TRPA1: variants seen among roughly 807,000 people sequenced by gnomAD.
The protein encoded by TRPA1 is ankyrin-like with transmembrane domains 1.
Under a neutral mutation model 131.3 loss-of-function variants are expected in TRPA1, and 129 were observed. The observed-to-expected ratio is 0.98, with a 90% CI of 0.85 to 1.14. The LOEUF (loss-of-function observed/expected upper bound fraction) is 1.14. Ranked by LOEUF, TRPA1 falls within the 50% of genes most tolerant of loss-of-function variation. The probability of loss-of-function intolerance (pLI) is 0.00; values close to 1 mark genes in which losing one functional copy is unlikely to be tolerated. For synonymous variants in TRPA1, 441 were observed against 451.7 expected, an observed-to-expected ratio of 0.98 and a Z score of 0.30; for missense variants, 1,304 against 1,354.2, an observed-to-expected ratio of 0.96 and a Z score of 0.58.
At chr8:72,047,086 T>A in intron 16 of TRPA1, 62 bp downstream of exon 16, 1 of 1,244,920 alleles carries the variant, frequency 8.0e-7, no homozygotes, top group Non-Finnish European at 1.2e-6. Flanking sequence ...ACAATATTTT[T>A]AATATTTTTC....
intron 13 of TRPA1, chr8:72,052,994 T>TGTGTGTGTGAGAGAGA (rs1491537785): frequency 3.0e-6 from 1 of 330,300 alleles, no homozygotes; most frequent in Non-Finnish European, 5.5e-6. Context: ...TGTGTGTGTG[T>TGTGTGTGTGAGAGAGA]GAGAGATAGA....
intron 5 of TRPA1, 65 bp from the exon 6 acceptor site, chr8:72,063,009 T>TA (rs1226613106): frequency 6.2e-6 from 9 of 1,457,650 alleles, no homozygotes; most frequent in Middle Eastern, 1.9e-4. Context: ...GGTTTTTTGT[T>TA]AAAAAATATG....
At chr8:72,046,861 A>G (rs1563391825) in intron 16 of TRPA1, among the ~76,000 whole-genome samples, 1 of 152,060 alleles carries the variant, frequency 6.6e-6, no homozygotes, top group Non-Finnish European at 1.5e-5. Flanking sequence ...GGAGTTCTCA[A>G]AAGATCATTT....
At chr8:72,064,742 G>T (rs13265757) in intron 4 of TRPA1, among the ~76,000 whole-genome samples, 45,159 of 151,966 alleles carry the variant, frequency 0.3, 7,063 homozygotes, top group Middle Eastern at 0.44. Context: ...TGCTGGCCTA[G>T]ATAACATACA....
At chr8:72,024,193 T>C (rs76583847) in intron 25 of TRPA1, among the ~76,000 whole-genome samples, 14,516 of 152,242 alleles carry the variant, frequency 0.095, 941 homozygotes, top group Admixed American at 0.23. Context: ...AATTGTTCTA[T>C]ATATTTTCAT....
chr8:72,075,617 T>C (rs1047705350), upstream of TRPA1: 1 of 583,040 alleles, frequency 1.7e-6, no homozygotes, highest in South Asian at 2.0e-5. Context: ...ACTTTTGTAG[T>C]GCAGGAAGCA....
chr8:72,029,637 G>C, intron 24 of TRPA1: 2 of 564,722 alleles, frequency 3.5e-6, no homozygotes, highest in Non-Finnish European at 6.5e-6. Context: ...AGTAGAATCT[G>C]TACTTCAAAT....
chr8:72,046,673 A>G, intron 16 of TRPA1, 65 bp from the exon 17 acceptor site: 1 of 827,124 alleles, frequency 1.2e-6, no homozygotes, highest in Non-Finnish European at 2.0e-6. Context: ...CCCCAAAGTA[A>G]TTCTTGAAAA....
Position 72,024,737 on chromosome 8 carries a change from A to G in TRPA1, c.3052-826T>C, listed in dbSNP as rs73687831. 8.2e-3 allele frequency among the ~76,000 whole-genome samples: 1,247 copies of G among 152,292 alleles called. 18 individuals carry two copies. Among genetic ancestry groups the G allele is most frequent in the African/African-American group, 0.028 (1,183 of 41,548 alleles). On this transcript the variant is annotated intron_variant, in intron 25 of 26. Coordinates refer to ENST00000262209, the MANE Select transcript of TRPA1 (RefSeq NM_007332.3). The stretch of plus-strand genomic sequence containing the variant: ...GGAGATGTCAAGTAGGCAGCTGGAT[A>G]CAGGGTCCGGGAACTGAAGAGTGAG...
rs184257371 is a variant in TRPA1, at chr8:72,057,329, C to A, written c.1094-312G>T. On this transcript the variant is annotated intron_variant, in intron 9 of 26. Transcript: ENST00000262209. Reference sequence around the variant, plus strand: ...TAGAGATCAAGAAAGAAGAAGATAGCAGAGAAGGACACCTCGCTCCTTTGT... The same window carrying A: ...TAGAGATCAAGAAAGAAGAAGATAGAAGAGAAGGACACCTCGCTCCTTTGT... Among the ~76,000 whole-genome samples, 369 of 152,162 alleles carry A rather than the reference C, an allele frequency of 2.4e-3. 1 individual carries two copies. Among genetic ancestry groups the A allele is most frequent in the Non-Finnish European group, 4.3e-3 (291 of 68,002 alleles).
At chr8:72,072,667 C>T (rs968490819) in intron 1 of TRPA1, among the ~76,000 whole-genome samples, 3 of 152,132 alleles carry the variant, frequency 2.0e-5, no homozygotes, top group Non-Finnish European at 2.9e-5. Flanking sequence ...CTCATCCTAT[C>T]AAAGAAAGTG....
At position 72,036,423 on chromosome 8, in the gene TRPA1, AG is replaced by A; in HGVS notation, c.2419del (p.Glu808AsnfsTer37). ...GCCCGTCGTGTAGATAATCCATTCA[AG>A]AACATTGCTTATATCCATAAAATAA... ...RNYFMDISNV[L>X]EWIIYTTGII... On this transcript the variant is annotated frameshift_variant, in exon 21 of 27. Transcript: ENST00000262209. LOFTEE classifies it high-confidence loss of function. 1.9e-6 allele frequency: 3 copies of A among 1,614,098 alleles called. No individual in the cohort carries two copies. Among genetic ancestry groups the A allele is most frequent in the Non-Finnish European group, 2.5e-6 (3 of 1,179,960 alleles).
chr8:72,038,198 T>C (rs576037390), intron 19 of TRPA1, 126 bp from the exon 20 acceptor site: 75 of 569,134 alleles, frequency 1.3e-4, no homozygotes, highest in Non-Finnish European at 2.1e-4. Context: ...CTGTCCACTT[T>C]GAGTTAAACA....
At position 72,047,343 on chromosome 8, in the gene TRPA1, TA is replaced by T. The variant is rs1805360698; in HGVS notation, c.1906-137del. 5 of 702,202 alleles carry T rather than the reference TA, an allele frequency of 7.1e-6. No homozygotes were observed. The Admixed American group carries it at 1.2e-4, about 16-fold the overall frequency. The allele number at this position is 702,202 out of a possible 1,614,324, so 43.5% of individuals were successfully genotyped here. ...TTTCTTGCATCTCAAGAATAAATTA[TA>T]ATCTATGTCATTCAGGAACAAAGTT... is the stretch of plus-strand genomic sequence containing the variant. On this transcript the variant is annotated intron_variant, in intron 15 of 26. Transcript: ENST00000262209.
chr8:72,030,038 C>G, intron 23 of TRPA1, 69 bp from the exon 24 acceptor site: 1 of 1,392,678 alleles, frequency 7.2e-7, no homozygotes, highest in South Asian at 1.2e-5. Context: ...TAAGGTCTGT[C>G]TTAGTCCATT....
upstream of TRPA1, among the ~76,000 whole-genome samples, chr8:72,076,034 C>T (rs966601372): frequency 1.3e-5 from 2 of 152,130 alleles, no homozygotes; most frequent in African/African-American, 2.4e-5. Flanking sequence ...ACCACGTGCA[C>T]CTTCTTCTGG....
chr8:72,055,091 T>C (rs1361190003), intron 12 of TRPA1: 1 of 274,938 alleles, frequency 3.6e-6, no homozygotes, highest in Non-Finnish European at 6.9e-6. Context: ...CACAGTTTTG[T>C]ATCTATATAG....
chr8:72,034,427 A>G, intron 21 of TRPA1, 50 bp from the exon 22 acceptor site: 2 of 1,223,540 alleles, frequency 1.6e-6, no homozygotes, highest in Non-Finnish European at 2.3e-6. Flanking sequence ...GTCAAAGTGT[A>G]TTCATTCAGT....
intron 19 of TRPA1, 153 bp downstream of exon 19, chr8:72,038,712 A>T: frequency 1.5e-6 from 1 of 666,174 alleles, no homozygotes; most frequent in Non-Finnish European, 2.5e-6. Flanking sequence ...CCTTCCACAA[A>T]GGATTTTAGG....
Sources: allele counts gnomAD v4.1 joint callset (sites outside exome capture counted in the v4.1 genomes callset), GRCh38; gene constraint gnomAD v4.1.1; transcripts MANE v1.5; gene names NCBI Gene and HGNC (gene_info 2026-07-23, HGNC 2026-07-21).